MDFIC2: variants seen among roughly 807,000 people sequenced by gnomAD.
MDFIC2 encodes the protein myoD family inhibitor domain-containing protein 2.
chr3:70,235,217 C>G (rs1701595568), intron 2 of MDFIC2, among the ~76,000 whole-genome samples: 1 of 152,172 alleles, frequency 6.6e-6, no homozygotes, highest in Non-Finnish European at 1.5e-5. Context: ...TCTTCATCAA[C>G]CGTCGTTCTC....
chr3:70,246,799 GA>G (rs1369448319), intron 2 of MDFIC2, among the ~76,000 whole-genome samples: 3 of 151,698 alleles, frequency 2.0e-5, no homozygotes, highest in Non-Finnish European at 4.4e-5. Flanking sequence ...TTTTTAGAGG[GA>G]AAAAAACCCA....
chr3:70,266,464 A>C (rs1253200568), intron 2 of MDFIC2, among the ~76,000 whole-genome samples: 1 of 152,084 alleles, frequency 6.6e-6, no homozygotes, highest in East Asian at 1.9e-4. Flanking sequence ...TCTGTCACCC[A>C]GGCTGGAGAG....
intron 2 of MDFIC2, among the ~76,000 whole-genome samples, chr3:70,248,609 A>C (rs918497128): frequency 6.6e-6 from 1 of 152,146 alleles, no homozygotes; most frequent in African/African-American, 2.4e-5. Context: ...ACAAGATTGG[A>C]TTAGAAGAGC....
chr3:70,252,953 G>A (rs1271361367), intron 2 of MDFIC2, among the ~76,000 whole-genome samples: 6 of 151,878 alleles, frequency 4.0e-5, no homozygotes, highest in Admixed American at 1.3e-4. Context: ...GGTGGCAGGC[G>A]CCTGTAATTC....
At chr3:70,211,055 T>C (rs17006845) in intron 2 of MDFIC2, among the ~76,000 whole-genome samples, 2,959 of 152,228 alleles carry the variant, frequency 0.019, 86 homozygotes, top group African/African-American at 0.065. Flanking sequence ...GACTTTGTAA[T>C]TTTTGCATCC....
chr3:70,221,759 C>T (rs898159723), intron 2 of MDFIC2, among the ~76,000 whole-genome samples: 1 of 152,122 alleles, frequency 6.6e-6, no homozygotes, highest in African/African-American at 2.4e-5. Context: ...TGTCCCAATC[C>T]TTGGGACCGT....
intron 3 of MDFIC2, among the ~76,000 whole-genome samples, chr3:70,201,150 GT>G (rs1202523766): frequency 1.3e-5 from 2 of 152,018 alleles, no homozygotes; most frequent in East Asian, 3.9e-4. Flanking sequence ...CATCACCCAG[GT>G]ATTAAGTCTA....
chr3:70,263,080 C>T (rs1354061934), intron 2 of MDFIC2, among the ~76,000 whole-genome samples: 1 of 152,042 alleles, frequency 6.6e-6, no homozygotes, highest in African/African-American at 2.4e-5. Context: ...TTTGTCTTTC[C>T]TCTATATCTT....
At chr3:70,226,755 A>T (rs1575601595) in intron 2 of MDFIC2, among the ~76,000 whole-genome samples, 1 of 151,614 alleles carries the variant, frequency 6.6e-6, no homozygotes, top group African/African-American at 2.4e-5. Context: ...AAAAAAAAAA[A>T]ATAGTGTGCA....
intron 3 of MDFIC2, among the ~76,000 whole-genome samples, chr3:70,199,014 C>T (rs1039432069): frequency 1.3e-5 from 2 of 152,180 alleles, no homozygotes; most frequent in Admixed American, 1.3e-4. Flanking sequence ...GCAGTGGCTG[C>T]ACTGGCAAAG....
At chr3:70,251,587 G>T (rs1389893708) in intron 2 of MDFIC2, among the ~76,000 whole-genome samples, 1 of 152,170 alleles carries the variant, frequency 6.6e-6, no homozygotes, top group Non-Finnish European at 1.5e-5. Flanking sequence ...TTAGTGGCTT[G>T]ACTTGGCCAA....
At chr3:70,300,100 A>T (rs978819735) in intron 2 of MDFIC2, among the ~76,000 whole-genome samples, 11 of 152,048 alleles carry the variant, frequency 7.2e-5, no homozygotes, top group Admixed American at 6.6e-4. Flanking sequence ...AGAATTCTAG[A>T]TGTGCTGCTT....
chr3:70,286,179 T>C (rs1355781938), intron 2 of MDFIC2, among the ~76,000 whole-genome samples: 1 of 152,232 alleles, frequency 6.6e-6, no homozygotes, highest in Non-Finnish European at 1.5e-5. Flanking sequence ...TTCTAGGCTT[T>C]TTATGGTTTT....
At chr3:70,283,276 T>G (rs1291974939) in intron 2 of MDFIC2, among the ~76,000 whole-genome samples, 1 of 152,004 alleles carries the variant, frequency 6.6e-6, no homozygotes, top group Non-Finnish European at 1.5e-5. Flanking sequence ...TCTGATTGAT[T>G]GCTTTTTGGT....
chr3:70,273,891 C>A (rs987871706), intron 2 of MDFIC2, among the ~76,000 whole-genome samples: 1 of 152,144 alleles, frequency 6.6e-6, no homozygotes, highest in African/African-American at 2.4e-5. Flanking sequence ...AAGACTTGAA[C>A]TCCTAGGCTC....
chr3:70,293,045 C>CAAA lies in MDFIC2; in HGVS notation c.88+18838_88+18840dup, dbSNP rs55990203. ...GAACTTTGATTTCTGTGGTTTGAAG[C>CAAA]AAAAAAAAAAAAAAAAAAAAAAAAA... On this transcript the variant is annotated intron_variant, in intron 2 of 3. Coordinates refer to ENST00000567252, the MANE Select transcript of MDFIC2 (RefSeq NM_001364677.1). 1.3e-3 allele frequency among the ~76,000 whole-genome samples: 97 copies of CAAA among 74,774 alleles called. 6 individuals carry two copies. The highest frequency in any genetic ancestry group is 3.3e-3 in the African/African-American group (81 of 24,498). The allele number at this position is 74,774 out of a possible 152,430, so 49.1% of individuals were successfully genotyped here. A position where few individuals can be genotyped will look rare whatever the true frequency, so the allele number is the denominator to read the frequency against.
chr3:70,207,196 T>C (rs1701299362), intron 2 of MDFIC2, among the ~76,000 whole-genome samples: 1 of 152,062 alleles, frequency 6.6e-6, no homozygotes, highest in Non-Finnish European at 1.5e-5. Context: ...GAGTTATTCA[T>C]ATGAGCTCAA....
intron 2 of MDFIC2, among the ~76,000 whole-genome samples, chr3:70,250,934 A>T (rs1287319932): frequency 1.3e-5 from 2 of 152,248 alleles, no homozygotes; most frequent in Non-Finnish European, 2.9e-5. Flanking sequence ...ATAAAATTTA[A>T]TCTATTTAGA....
In MDFIC2 at chr3:70,263,374, T is replaced by C. The variant is rs79998200; in HGVS notation, c.88+48512A>G. Among the ~76,000 whole-genome samples the C allele has an allele frequency of 4.7e-3, 717 of 152,324 alleles. 5 individuals are homozygous for C. Among genetic ancestry groups the C allele is most frequent in the Non-Finnish European group, 8.0e-3 (547 of 68,038 alleles). Reference sequence around the variant, plus strand: ...TCTTTTTAATTTTATTTTAAAACTCTTTTAGGGTAGGTCTATAGGAATAAT... The same window carrying C: ...TCTTTTTAATTTTATTTTAAAACTCCTTTAGGGTAGGTCTATAGGAATAAT... On this transcript the variant is annotated intron_variant, in intron 2 of 3. Coordinates refer to ENST00000567252, the MANE Select transcript of MDFIC2 (RefSeq NM_001364677.1).
Sources: allele counts gnomAD v4.1 joint callset (sites outside exome capture counted in the v4.1 genomes callset), GRCh38; gene constraint gnomAD v4.1.1; transcripts MANE v1.5; gene names NCBI Gene and HGNC (gene_info 2026-07-23, HGNC 2026-07-21).